CCND3: variants seen among roughly 807,000 people sequenced by gnomAD.
CCND3 encodes the protein G1/S-specific cyclin-D3.
A neutral mutation model predicts 28.7 loss-of-function variants in CCND3; 9 were observed. That is an observed-to-expected ratio of 0.31 (90% CI 0.19 to 0.55). The LOEUF is 0.55. Among genes scored for constraint, CCND3 ranks in the 20% least tolerant of loss-of-function variants. The pLI, the probability that CCND3 is intolerant of heterozygous loss-of-function variation, is 0.93. For missense variants in CCND3, 315 were observed against 385.8 expected, an observed-to-expected ratio of 0.82 and a Z score of 1.54; for synonymous variants, 164 against 163.9, an observed-to-expected ratio of 1.00 and a Z score of 0.00.
chr6:42,031,425 G>A (rs781701744), intron 1 of CCND3: 2 of 152,286 alleles, frequency 1.3e-5, no homozygotes, highest in African/African-American at 2.4e-5. Flanking sequence ...GGGCAGAGGC[G>A]GCTGTGACCT....
At chr6:42,040,510 A>G (rs938767291) in intron 1 of CCND3, among the ~76,000 whole-genome samples, 3 of 152,138 alleles carry the variant, frequency 2.0e-5, no homozygotes, top group Non-Finnish European at 4.4e-5. Flanking sequence ...CAGCTATATG[A>G]CTTTGGACTA....
At chr6:42,022,578 G>C (rs931159514) in intron 1 of CCND3, among the ~76,000 whole-genome samples, 2 of 152,206 alleles carry the variant, frequency 1.3e-5, no homozygotes, top group African/African-American at 4.8e-5. Flanking sequence ...TCCTTTGAGG[G>C]GTAAATAAAG....
chr6:41,972,109 T>G (rs1762046384), intron 1 of CCND3, among the ~76,000 whole-genome samples: 2 of 149,692 alleles, frequency 1.3e-5, no homozygotes, highest in African/African-American at 4.9e-5. Context: ...GCGCCTATAG[T>G]CCCAGCCATG....
At chr6:41,985,489 A>G in intron 1 of CCND3, among the ~76,000 whole-genome samples, 1 of 151,700 alleles carries the variant, frequency 6.6e-6, no homozygotes, top group Non-Finnish European at 1.5e-5. Flanking sequence ...AATTTTGTGT[A>G]TTTTTAATAG....
At chr6:41,974,140 G>A (rs2127409129) in intron 1 of CCND3, among the ~76,000 whole-genome samples, 1 of 152,298 alleles carries the variant, frequency 6.6e-6, no homozygotes, top group South Asian at 2.1e-4. Context: ...CTGAGACTGT[G>A]CCATTGCACT....
chr6:42,018,779 T>A (rs2127431936), intron 1 of CCND3, among the ~76,000 whole-genome samples: 1 of 150,968 alleles, frequency 6.6e-6, no homozygotes, highest in South Asian at 2.1e-4. Flanking sequence ...TAATCCCAGC[T>A]ACTCAGGAGG....
At chr6:41,975,961 C>T (rs1056845443) in intron 1 of CCND3, among the ~76,000 whole-genome samples, 7 of 151,962 alleles carry the variant, frequency 4.6e-5, no homozygotes, top group Admixed American at 3.3e-4. Context: ...CCCAGATCCT[C>T]AGAGGGTTGA....
At chr6:41,942,872 C>CT (rs60884050), upstream of CCND3, among the ~76,000 whole-genome samples, 2,994 of 82,364 alleles carry the variant, frequency 0.036, 86 homozygotes, top group South Asian at 0.044. Context: ...GTTAATTATT[C>CT]TTTTTTTTTT....
At chr6:42,017,889 G>A (rs9357382) in intron 1 of CCND3, among the ~76,000 whole-genome samples, 108,186 of 151,934 alleles carry the variant, frequency 0.71, 38,770 homozygotes, top group Middle Eastern at 0.77. Flanking sequence ...GGTGGCTCAC[G>A]CCTGTAATCC....
chr6:41,972,862 T>C (rs1211343718), intron 1 of CCND3, among the ~76,000 whole-genome samples: 1 of 140,336 alleles, frequency 7.1e-6, no homozygotes, highest in Non-Finnish European at 1.5e-5. Flanking sequence ...ACAAAAAATT[T>C]ACATATATAT....
Position 42,048,596 on chromosome 6 carries a change from G to A in CCND3, c.-141C>T, listed in dbSNP as rs778488289. On this transcript the variant is annotated 5_prime_UTR_variant, in exon 1 of 5. Coordinates refer to the CCND3 transcript ENST00000372988. This position sits in a 1 kb window ranked among gnomAD's most constrained non-coding sequence, Gnocchi z 4.7. ...CTGCCTTTGGGGAGTGGGGGTGGTC[G>A]CAACCACCAGCCGCGAGGAGAGGAT... 4 of 515,108 alleles carry A rather than the reference G, an allele frequency of 7.8e-6. No individual in the cohort carries two copies. The highest frequency in any genetic ancestry group is 5.8e-5 in the African/African-American group (3 of 51,834). The allele number at this position is 515,108 out of a possible 1,614,324, so 31.9% of individuals were successfully genotyped here.
rs1008307838 is a variant in CCND3, at chr6:42,014,129, G to T, written c.-46+34372C>A. 4.6e-5 allele frequency among the ~76,000 whole-genome samples: 7 copies of T among 151,542 alleles called. 1 individual carries two copies. Among genetic ancestry groups the T allele is most frequent in the Middle Eastern group, 6.8e-3 (2 of 292 alleles). Reference sequence around the variant, plus strand: ...GCCTGTAATCCCAGCACGTTGGGAGGCCAAGGCGGGTGGATCACGAGGTCA... The same window carrying T: ...GCCTGTAATCCCAGCACGTTGGGAGTCCAAGGCGGGTGGATCACGAGGTCA... On this transcript the variant is annotated intron_variant, in intron 1 of 4. Transcript: ENST00000372988.
At chr6:41,991,700 T>G (rs979145097) in intron 1 of CCND3, among the ~76,000 whole-genome samples, 4 of 152,172 alleles carry the variant, frequency 2.6e-5, no homozygotes, top group Non-Finnish European at 4.4e-5. Flanking sequence ...ATTCCTCCTA[T>G]GTAGCTGTAA....
intron 1 of CCND3, among the ~76,000 whole-genome samples, chr6:41,975,233 A>G (rs1304461361): frequency 4.6e-5 from 7 of 152,156 alleles, no homozygotes; most frequent in Admixed American, 4.6e-4. Flanking sequence ...TCTTCCACTA[A>G]CTGATTCATC....
intron 1 of CCND3, among the ~76,000 whole-genome samples, chr6:42,004,424 C>G (rs1172474243): frequency 2.0e-5 from 3 of 152,104 alleles, no homozygotes; most frequent in Admixed American, 1.3e-4. Flanking sequence ...CTAAATAGTC[C>G]TATATATACA....
At chr6:41,989,301 A>T (rs1275745898) in intron 1 of CCND3, among the ~76,000 whole-genome samples, 1 of 151,904 alleles carries the variant, frequency 6.6e-6, no homozygotes, top group Admixed American at 6.6e-5. Flanking sequence ...TCTACTAAAA[A>T]TACAAAAATT....
At chr6:42,022,330 GA>G (rs1415455283) in intron 1 of CCND3, among the ~76,000 whole-genome samples, 4 of 152,200 alleles carry the variant, frequency 2.6e-5, no homozygotes, top group African/African-American at 9.7e-5. Context: ...AGTGAATGAA[GA>G]AATGAATGAA....
rs771636388 is a variant in CCND3, at chr6:41,935,977, G to C, written c.842C>G (p.Thr281Ser). Residue 281 changes from threonine to serine, a missense_variant, in exon 5 of 5, where the codon ACC (threonine) becomes AGC (serine). Physicochemically the swap from Thr to Ser is moderately conservative, Grantham distance 58. Coordinates refer to ENST00000372991, the MANE Select transcript of CCND3 (RefSeq NM_001760.5). Reference sequence around the variant, plus strand: ...GGCTGTGACATCTGTAGGAGTGCTGGTCTGGCTGGGCCCTTGGCTGCTGGA... The same window carrying C: ...GGCTGTGACATCTGTAGGAGTGCTGCTCTGGCTGGGCCCTTGGCTGCTGGA... ...RGSSSQGPSQ[T>S]STPTDVTAIH... The C allele has an allele frequency of 6.2e-7, 1 of 1,613,200 alleles. No homozygotes were observed.
chr6:41,979,545 A>G (rs574125267), intron 1 of CCND3, among the ~76,000 whole-genome samples: 36 of 150,650 alleles, frequency 2.4e-4, no homozygotes, highest in African/African-American at 7.3e-4. Context: ...AAAAAAAAAA[A>G]AAAAGAAAAA....
Sources: gnomAD v4.1 joint callset for allele counts (sites outside exome capture counted in the v4.1 genomes callset) on GRCh38, gnomAD v4.1.1 for gene constraint, Gnocchi (gnomAD v3.1) non-coding constraint, MANE v1.5 for transcripts, NCBI Gene and HGNC (gene_info 2026-07-23, HGNC 2026-07-21) for gene names.